The following TCF4 variants were observed in gnomAD, a reference collection of about 807,000 sequenced individuals.
TCF4 encodes SL3-3 enhancer factor 2.
Under a neutral mutation model 82.1 loss-of-function variants are expected in TCF4, and 3 were observed. That is an observed-to-expected ratio of 0.04 (90% CI 0.02 to 0.09). The LOEUF is 0.09. Ranked by LOEUF, TCF4 falls within the 10% of genes least tolerant of loss-of-function variation. TCF4 has a pLI of 1.00. For missense variants in TCF4, 518 were observed against 852.7 expected (o/e 0.61, Z 4.89); for synonymous variants, 276 against 309.6 (o/e 0.89, Z 1.14).
intron 8 of TCF4, among the ~76,000 whole-genome samples, chr18:55,319,511 T>C (rs531706920): frequency 1.3e-5 from 2 of 152,294 alleles, no homozygotes; most frequent in African/African-American, 4.8e-5. Context: ...GTGTTCCAAA[T>C]GGCTATTTTT....
intron 4 of TCF4, 66 bp from the exon 5 acceptor site, chr18:55,461,181 C>T (rs2095862011): frequency 3.0e-6 from 4 of 1,343,668 alleles, no homozygotes; most frequent in African/African-American, 1.5e-5. Flanking sequence ...ACAAACATAG[C>T]TCCACTACCA....
At chr18:55,305,059 GTC>G (rs2069790213) in intron 8 of TCF4, among the ~76,000 whole-genome samples, 1 of 152,166 alleles carries the variant, frequency 6.6e-6, no homozygotes, top group African/African-American at 2.4e-5. Flanking sequence ...CAACTGAGAT[GTC>G]AGTACCCATT....
At chr18:55,360,673 A>T (rs1198636863) in intron 6 of TCF4, among the ~76,000 whole-genome samples, 1 of 151,848 alleles carries the variant, frequency 6.6e-6, no homozygotes, top group East Asian at 1.9e-4. Flanking sequence ...AATTTTATTT[A>T]TAAAAAGAAG....
chr18:55,504,731 A>T (rs2096735313), intron 3 of TCF4, among the ~76,000 whole-genome samples: 1 of 152,200 alleles, frequency 6.6e-6, no homozygotes. Flanking sequence ...CCCCATACAC[A>T]GTGTGCCCAC....
At chr18:55,403,558 T>A in intron 5 of TCF4, 40 bp from the exon 6 acceptor site, 1 of 1,613,722 alleles carries the variant, frequency 6.2e-7, no homozygotes, top group Non-Finnish European at 8.5e-7. Context: ...ATTGTGTTTT[T>A]CCTTAAAAAA....
At chr18:55,386,789 C>T (rs1172709620) in intron 6 of TCF4, among the ~76,000 whole-genome samples, 3 of 152,162 alleles carry the variant, frequency 2.0e-5, no homozygotes, top group Non-Finnish European at 4.4e-5. Flanking sequence ...TTCTCTTTCA[C>T]CAGTTGAAAA....
chr18:55,446,615 A>C (rs983873289), intron 5 of TCF4, among the ~76,000 whole-genome samples: 1 of 152,164 alleles, frequency 6.6e-6, no homozygotes, highest in Non-Finnish European at 1.5e-5. Context: ...TCTAACAAAG[A>C]AGTTTATTAT....
At chr18:55,632,627 A>C (rs1202750899) in intron 1 of TCF4, among the ~76,000 whole-genome samples, 3 of 152,200 alleles carry the variant, frequency 2.0e-5, no homozygotes, top group Admixed American at 2.0e-4. Flanking sequence ...CTTACAGAAG[A>C]CTTCTCATGA....
chr18:55,445,513 A>T (rs1247728176), intron 5 of TCF4, among the ~76,000 whole-genome samples: 2 of 152,098 alleles, frequency 1.3e-5, no homozygotes, highest in Admixed American at 1.3e-4. Flanking sequence ...AAACCATCAG[A>T]TCTCGTGAGA....
rs117980663 is a variant in TCF4 at position 55,252,411 on chromosome 18, T to C, written c.1350+2086A>G. Among the ~76,000 whole-genome samples, 18 of 152,172 alleles carry C rather than the reference T, an allele frequency of 1.2e-4. 1 individual carries two copies. In the East Asian group the frequency reaches 2.1e-3, roughly 18 times the overall value. On this transcript the variant is annotated intron_variant, in intron 15 of 19. Transcript: ENST00000354452. Reference sequence around the variant, plus strand: ...CAAGATCAAATTAAAGGGGTTTCTATGTAATATTGGCTAATTATTTCCTTT... The same window carrying C: ...CAAGATCAAATTAAAGGGGTTTCTACGTAATATTGGCTAATTATTTCCTTT...
At chr18:55,574,220 A>G (rs1202024507) in intron 3 of TCF4, among the ~76,000 whole-genome samples, 5 of 152,222 alleles carry the variant, frequency 3.3e-5, no homozygotes, top group African/African-American at 4.8e-5. Context: ...GTACACATAT[A>G]CAGAGATTTT....
In TCF4 at chr18:55,408,750, A is replaced by C. The variant is rs2094210367; in HGVS notation, c.305-5232T>G. Among the ~76,000 whole-genome samples, 2 of 152,154 alleles carry C rather than the reference A, an allele frequency of 1.3e-5. 1 individual carries two copies. The highest frequency in any genetic ancestry group is 4.1e-4 in the South Asian group (2 of 4,826). On this transcript the variant is annotated intron_variant, in intron 5 of 19. Transcript: ENST00000354452. The stretch of plus-strand genomic sequence containing the variant: ...GTACAAGTGACAGAGCCAGGATTCA[A>C]ACCCTGGCAGTTTGTTTGCCCAGAC...
intron 16 of TCF4, chr18:55,234,296 C>A: frequency 1.7e-6 from 1 of 586,156 alleles, no homozygotes; most frequent in Non-Finnish European, 3.0e-6. Context: ...TTCCTCTCAT[C>A]AGTCTGTGGC....
intron 8 of TCF4, among the ~76,000 whole-genome samples, chr18:55,298,528 C>A (rs181748239): frequency 6.6e-6 from 1 of 152,204 alleles, no homozygotes; most frequent in East Asian, 1.9e-4. Context: ...AAAACCCCAG[C>A]AAATTAAACT....
intron 6 of TCF4, among the ~76,000 whole-genome samples, chr18:55,399,876 TCTCTCA>T (rs1209103521): frequency 0.04 from 4,731 of 117,928 alleles, 95 homozygotes; most frequent in African/African-American, 0.078. Flanking sequence ...TCTCTCTCTC[TCTCTCA>T]CACACACACA....
chr18:55,327,471 C>A (rs1476544051), intron 8 of TCF4, among the ~76,000 whole-genome samples: 3 of 152,068 alleles, frequency 2.0e-5, no homozygotes, highest in Non-Finnish European at 4.4e-5. Context: ...ATCAAAATAT[C>A]AGCGTAAACT....
chr18:55,537,358 G>C lies in TCF4; in HGVS notation c.145+47922C>G, dbSNP rs532500170. 1.5e-4 allele frequency among the ~76,000 whole-genome samples: 23 copies of C among 152,116 alleles called. No homozygotes were observed. In the South Asian group the frequency reaches 4.8e-3, roughly 32 times the overall value. On this transcript the variant is annotated intron_variant, in intron 3 of 19. Coordinates refer to ENST00000354452, the MANE Select transcript of TCF4 (RefSeq NM_001083962.2). ...GCTCACGCCTGTAATCCCAGACCAA[G>C]GTGGGCAGATTGCTTGAGCTCAGGA...
chr18:55,321,896 C>A (rs2075581295), intron 8 of TCF4: 5 of 1,403,008 alleles, frequency 3.6e-6, no homozygotes, highest in South Asian at 1.7e-5. Flanking sequence ...TCCTGGCGGG[C>A]GGGGGAGGCC....
At chr18:55,263,892 A>T (rs1344796873) in intron 11 of TCF4, among the ~76,000 whole-genome samples, 1 of 152,096 alleles carries the variant, frequency 6.6e-6, no homozygotes, top group East Asian at 1.9e-4. Context: ...CAAAGAACCT[A>T]AGCCAAAAAA....
Sources: allele counts gnomAD v4.1 joint callset (sites outside exome capture counted in the v4.1 genomes callset), GRCh38; gene constraint gnomAD v4.1.1; transcripts MANE v1.5; gene names NCBI Gene and HGNC (gene_info 2026-07-23, HGNC 2026-07-21).